Variants in AFAP1 observed in about 807,000 individuals in gnomAD.
AFAP1 encodes the protein actin filament-associated protein 1.
A neutral mutation model predicts 93.9 loss-of-function variants in AFAP1; 75 were observed. The ratio of observed to expected loss-of-function variants is 0.80; its 90% CI spans 0.66 to 0.97. The LOEUF is 0.97. AFAP1 is among the 50% of genes least tolerant of loss of function. The probability of loss-of-function intolerance (pLI) is 0.00; values close to 1 mark genes in which losing one functional copy is unlikely to be tolerated. For missense variants in AFAP1, 1,201 were observed against 1,050.8 expected, an observed-to-expected ratio of 1.14 and a Z score of -1.98; for synonymous variants, 517 against 430.7, an observed-to-expected ratio of 1.20 and a Z score of -2.48.
At chr4:7,780,134 C>T (rs887152588) in intron 13 of AFAP1, among the ~76,000 whole-genome samples, 1 of 152,156 alleles carries the variant, frequency 6.6e-6, no homozygotes, top group South Asian at 2.1e-4. Context: ...TTAGTGAGTG[C>T]AACACATAAC....
intron 17 of AFAP1, among the ~76,000 whole-genome samples, chr4:7,765,935 G>C (rs1714501669): frequency 6.6e-6 from 1 of 152,182 alleles, no homozygotes; most frequent in South Asian, 2.1e-4. Flanking sequence ...TCTTCTCTGC[G>C]CCCGCCCAGT....
At chr4:7,826,732 T>C (rs1721454416) in intron 6 of AFAP1, among the ~76,000 whole-genome samples, 1 of 152,182 alleles carries the variant, frequency 6.6e-6, no homozygotes, top group Non-Finnish European at 1.5e-5. Context: ...AAGGTGAAGC[T>C]GCAACAACGT....
intron 5 of AFAP1, chr4:7,842,841 A>G: frequency 2.9e-6 from 1 of 340,336 alleles, no homozygotes; most frequent in East Asian, 6.0e-5. Flanking sequence ...GCAAGTTAAA[A>G]TCTTGTGCAT....
chr4:7,793,572 T>G, intron 11 of AFAP1, 109 bp downstream of exon 11: 1 of 1,213,738 alleles, frequency 8.2e-7, no homozygotes, highest in South Asian at 3.1e-5. Flanking sequence ...GGGAAAGTCT[T>G]TAGTTTTTCT....
chr4:7,894,062 G>C (rs897440962), intron 1 of AFAP1, among the ~76,000 whole-genome samples: 5 of 152,190 alleles, frequency 3.3e-5, no homozygotes, highest in African/African-American at 1.2e-4. Flanking sequence ...CTTGGCCTCT[G>C]GCTGACGTTC....
In AFAP1 at chr4:7,763,001, A is replaced by T. The variant is rs1240785830; in HGVS notation, c.*764T>A. The T allele has an allele frequency of 6.6e-6, 1 of 152,214 alleles. No homozygotes were observed. Among genetic ancestry groups the T allele is most frequent in the East Asian group, 1.9e-4 (1 of 5,190 alleles). The allele number at this position is 152,214 out of a possible 1,614,324, so 9.4% of individuals were successfully genotyped here. On this transcript the variant is annotated 3_prime_UTR_variant, in exon 18 of 18. Transcript: ENST00000420658. ...TAGTGAAGTATTAAAACCCTCTGCT[A>T]CCTGTCAAAAGCAGCACAAATAATT...
intron 1 of AFAP1, among the ~76,000 whole-genome samples, chr4:7,900,330 C>A (rs1020038957): frequency 3.8e-5 from 2 of 52,006 alleles, no homozygotes; most frequent in Admixed American, 1.6e-4. Context: ...TTCCTTTGTG[C>A]GCATCTAGCA....
At chr4:7,793,173 TA>T (rs5855979) in intron 11 of AFAP1, among the ~76,000 whole-genome samples, 65 of 150,562 alleles carry the variant, frequency 4.3e-4, no homozygotes, top group East Asian at 1.6e-3. Flanking sequence ...TTTTTTTTTT[TA>T]AAAAAATCAC....
rs1029171659 is a variant in AFAP1 at position 7,825,000 on chromosome 4, A to G, written c.727-5829T>C. On this transcript the variant is annotated intron_variant, in intron 6 of 17. Transcript: ENST00000420658. ...ACAATATGGGATAACAGCAGTTTAT[A>G]TTAATAAAAGACTTGGCATTTGTAT... is the stretch of plus-strand genomic sequence containing the variant. Among the ~76,000 whole-genome samples the G allele has an allele frequency of 3.9e-5, 6 of 152,380 alleles. No homozygotes were observed. In the South Asian group the frequency reaches 8.3e-4, roughly 21 times the overall value.
intron 1 of AFAP1, among the ~76,000 whole-genome samples, chr4:7,878,943 A>ACCTATGAGGGATG (rs1717682548): frequency 6.6e-6 from 1 of 152,230 alleles, no homozygotes; most frequent in Non-Finnish European, 1.5e-5. Flanking sequence ...TTACGTTCAA[A>ACCTATGAGGGATG]TAACCTATCT....
chr4:7,925,471 G>C (rs746195309), intron 1 of AFAP1, among the ~76,000 whole-genome samples: 1 of 152,092 alleles, frequency 6.6e-6, no homozygotes, highest in Admixed American at 6.5e-5. Flanking sequence ...CCAGCACTTT[G>C]GGAGGCCGAG....
chr4:7,930,345 A>G (rs902566621), intron 1 of AFAP1, among the ~76,000 whole-genome samples: 46 of 151,990 alleles, frequency 3.0e-4, no homozygotes, highest in African/African-American at 9.9e-4. Context: ...TTTTCATAAC[A>G]TAGACATGAT....
intron 1 of AFAP1, among the ~76,000 whole-genome samples, chr4:7,916,177 G>A (rs897222404): frequency 2.6e-5 from 4 of 152,262 alleles, no homozygotes; most frequent in South Asian, 4.1e-4. Context: ...AAGAAACCAC[G>A]GCACAAAAGT....
chr4:7,910,648 C>T (rs911706062), intron 1 of AFAP1, among the ~76,000 whole-genome samples: 6 of 152,216 alleles, frequency 3.9e-5, no homozygotes, highest in Non-Finnish European at 8.8e-5. Flanking sequence ...CCTCTCTCCC[C>T]CGTTCACCCG....
chr4:7,921,308 T>G (rs1720430582), intron 1 of AFAP1, among the ~76,000 whole-genome samples: 1 of 150,192 alleles, frequency 6.7e-6, no homozygotes, highest in Non-Finnish European at 1.5e-5. Context: ...CTCAGCCTCC[T>G]GGGTAGCTGG....
chr4:7,894,425 G>T (rs956123251), intron 1 of AFAP1, among the ~76,000 whole-genome samples: 1 of 152,180 alleles, frequency 6.6e-6, no homozygotes, highest in Non-Finnish European at 1.5e-5. Context: ...AGGATATGAC[G>T]CTAACACAGA....
At chr4:7,806,928 G>A (rs1260505993) in intron 9 of AFAP1, among the ~76,000 whole-genome samples, 5 of 152,196 alleles carry the variant, frequency 3.3e-5, no homozygotes, top group African/African-American at 1.2e-4. Context: ...CACAAATGCA[G>A]CTATTTATCA....
In AFAP1 at chr4:7,878,990, T is replaced by C. The variant is rs1401346644; in HGVS notation, c.-2-6910A>G. Reference sequence around the variant, plus strand: ...GGACAGGCTAGCTACACAAGTTATATCCCTCAAGGTCATTACTCAAATTGT... The same window carrying C: ...GGACAGGCTAGCTACACAAGTTATACCCCTCAAGGTCATTACTCAAATTGT... On this transcript the variant is annotated intron_variant, in intron 1 of 17. Coordinates refer to ENST00000420658, the MANE Select transcript of AFAP1 (RefSeq NM_001134647.2). 3.3e-5 allele frequency among the ~76,000 whole-genome samples: 5 copies of C among 152,166 alleles called. No individual in the cohort carries two copies. The East Asian group carries it at 9.6e-4, about 29-fold the overall frequency.
chr4:7,774,665 T>C (rs1715904207), intron 15 of AFAP1, 74 bp downstream of exon 15: 1 of 1,549,004 alleles, frequency 6.5e-7, no homozygotes, highest in Admixed American at 2.0e-5. Flanking sequence ...ATAGGTCCTT[T>C]GGGCAAAGCA....
Sources: allele counts gnomAD v4.1 joint callset (sites outside exome capture counted in the v4.1 genomes callset), GRCh38; gene constraint gnomAD v4.1.1; transcripts MANE v1.5; gene names NCBI Gene and HGNC (gene_info 2026-07-23, HGNC 2026-07-21).